ZNF718: variants seen among roughly 807,000 people sequenced by gnomAD.
ZNF718 encodes zinc finger protein 718.
ZNF718 carries 3 observed loss-of-function variants against 2.6 expected under a neutral mutation model. The ratio of observed to expected loss-of-function variants is 1.16; its 90% confidence interval spans 0.53 to 3.01. The LOEUF is 3.01. Ranked by LOEUF, ZNF718 falls within the 30% of genes most tolerant of loss-of-function variation. The pLI is 0.03. For missense variants in ZNF718, 468 were observed against 230.0 expected (o/e 2.03, Z -6.69); for synonymous variants, 135 against 77.9 (o/e 1.73, Z -3.86).
intron 3 of ZNF718, among the ~76,000 whole-genome samples, chr4:155,112 G>A (rs962249886): frequency 2.6e-5 from 4 of 152,212 alleles, no homozygotes; most frequent in African/African-American, 4.8e-5. Flanking sequence ...CAAAAGCGAG[G>A]TTTGGAAACC....
At chr4:173,969 A>G (rs1553818636) in intron 3 of ZNF718, among the ~76,000 whole-genome samples, 1 of 152,178 alleles carries the variant, frequency 6.6e-6, no homozygotes, top group Non-Finnish European at 1.5e-5. Context: ...AACAAACACA[A>G]TTTGTGGGTA....
At chr4:141,601 A>G (rs573556620) in intron 3 of ZNF718, among the ~76,000 whole-genome samples, 1 of 152,320 alleles carries the variant, frequency 6.6e-6, no homozygotes, top group South Asian at 2.1e-4. Flanking sequence ...ATGTTTGGGT[A>G]CATGTGATTG....
In ZNF718 at chr4:161,222, A is replaced by G. The variant is rs782720933; in HGVS notation, c.537A>G (p.Ser179=). ...TTAAATGTAAAGAATGTGGCAAATC[A>G]TTTCACGTGCTCTCACGCCTAACTC... ...KTFKCKECGK[S]FHVLSRLTQH... The change falls in exon 4 of 4, where the codon TCA becomes TCG. Residue 179 remains serine, a synonymous_variant. Coordinates refer to ENST00000510175, the MANE Select transcript of ZNF718 (RefSeq NM_001039127.6). 1 of 774,540 alleles carries G rather than the reference A, an allele frequency of 1.3e-6. No homozygotes were observed. 48.0% of individuals were successfully genotyped at this position (774,540 alleles called of 1,614,324 possible). A position where few individuals can be genotyped will look rare whatever the true frequency, so the allele number is the denominator to read the frequency against.
intron 3 of ZNF718, among the ~76,000 whole-genome samples, chr4:177,088 A>T (rs1476387700): frequency 6.6e-6 from 1 of 151,924 alleles, no homozygotes; most frequent in Non-Finnish European, 1.5e-5. Context: ...CTTATTTACC[A>T]CCTCACACCA....
At chr4:133,548 C>T (rs1260191947) in intron 3 of ZNF718, among the ~76,000 whole-genome samples, 1 of 152,132 alleles carries the variant, frequency 6.6e-6, no homozygotes, top group Non-Finnish European at 1.5e-5. Context: ...GTGTCTCACA[C>T]ACATACACAT....
chr4:135,225 T>G, intron 3 of ZNF718, among the ~76,000 whole-genome samples: 2 of 138,466 alleles, frequency 1.4e-5, no homozygotes, highest in Admixed American at 7.7e-5. Context: ...GGAGACAGAG[T>G]GAGACTCTTG....
At chr4:172,863 G>A (rs1392011356) in intron 3 of ZNF718, among the ~76,000 whole-genome samples, 1 of 151,974 alleles carries the variant, frequency 6.6e-6, no homozygotes, top group Non-Finnish European at 1.5e-5. Flanking sequence ...AGACCATCCT[G>A]GCCAACATGG....
At position 128,574 on chromosome 4, in the gene ZNF718, G is replaced by A. The variant is rs1380824145; in HGVS notation, c.4-2214G>A. On this transcript the variant is annotated intron_variant, in intron 1 of 3. Transcript: ENST00000510175. ...GAGCCAAGATGTGCAGGACCACCAG[G>A]ACAGCGCCATTTTCTGTTTGCACCA... 1.1e-4 allele frequency among the ~76,000 whole-genome samples: 11 copies of A among 102,268 alleles called. 3 individuals are homozygous for A. The highest frequency in any genetic ancestry group is 3.8e-4 in the African/African-American group (11 of 29,296). 67.1% of individuals were successfully genotyped at this position (102,268 alleles called of 152,430 possible).
chr4:140,246 C>A (rs1715755062), intron 3 of ZNF718, among the ~76,000 whole-genome samples: 1 of 152,108 alleles, frequency 6.6e-6, no homozygotes, highest in African/African-American at 2.4e-5. Flanking sequence ...CACCTAAGGT[C>A]AGAGACATCT....
At chr4:180,334 G>A (rs1717438916) in intron 3 of ZNF718, among the ~76,000 whole-genome samples, 1 of 152,182 alleles carries the variant, frequency 6.6e-6, no homozygotes, top group Non-Finnish European at 1.5e-5. Context: ...TAGGCTGGTT[G>A]CTTATTTGTA....
Position 176,800 on chromosome 4 carries a change from C to T in ZNF718, c.227-24281C>T, listed in dbSNP as rs1355315874. Reference sequence around the variant, plus strand: ...TTTTGTAGAAAAATAGACTCATTCTCTTATTCAAACTAATCACCCATGTCT... The same window carrying T: ...TTTTGTAGAAAAATAGACTCATTCTTTTATTCAAACTAATCACCCATGTCT... On this transcript the variant is annotated intron_variant and NMD_transcript_variant, in intron 3 of 4. Coordinates refer to the ZNF718 transcript ENST00000642529. 3.9e-5 allele frequency among the ~76,000 whole-genome samples: 6 copies of T among 152,226 alleles called. No individual in the cohort carries two copies. The East Asian group carries it at 7.7e-4, about 20-fold the overall frequency.
In ZNF718 at chr4:124,597, C is replaced by T. The variant is rs370854330; in HGVS notation, c.-74C>T. ...CTCGGTGATTCTGCCACAGCCTCAGCCTCTGTGGCTCTGTGACCTGCCGGT... is the reference window on the plus strand; with the variant it reads ...CTCGGTGATTCTGCCACAGCCTCAGTCTCTGTGGCTCTGTGACCTGCCGGT... On this transcript the variant is annotated 5_prime_UTR_variant, in exon 1 of 4. Transcript: ENST00000510175. 81 of 1,577,852 alleles carry T rather than the reference C, an allele frequency of 5.1e-5. No individual in the cohort carries two copies. The highest frequency in any genetic ancestry group is 6.5e-5 in the Non-Finnish European group (75 of 1,158,368).
chr4:176,969 A>G (rs1201385274), intron 3 of ZNF718, among the ~76,000 whole-genome samples: 9 of 152,198 alleles, frequency 5.9e-5, no homozygotes, highest in Non-Finnish European at 1.2e-4. Flanking sequence ...TTCCTATGGA[A>G]GATGCAGGCT....
intron 3 of ZNF718, among the ~76,000 whole-genome samples, chr4:146,457 A>G (rs1432372245): frequency 1.3e-5 from 2 of 152,050 alleles, no homozygotes; most frequent in Non-Finnish European, 2.9e-5. Context: ...GCTTCTTTTA[A>G]GAATCTCCCA....
At chr4:138,188 C>T (rs1715656422) in intron 3 of ZNF718, among the ~76,000 whole-genome samples, 2 of 152,140 alleles carry the variant, frequency 1.3e-5, no homozygotes. Flanking sequence ...AATTAAATTG[C>T]TTTTGACTAT....
chr4:191,826 C>T (rs187991134), intron 3 of ZNF718, among the ~76,000 whole-genome samples: 3 of 152,132 alleles, frequency 2.0e-5, no homozygotes, highest in Non-Finnish European at 4.4e-5. Flanking sequence ...CAAGATGGGG[C>T]GGGCCGCTCC....
downstream of ZNF718, among the ~76,000 whole-genome samples, chr4:167,062 T>C (rs1389467454): frequency 6.6e-6 from 1 of 152,208 alleles, no homozygotes; most frequent in African/African-American, 2.4e-5. Flanking sequence ...TTCAGCTTTC[T>C]ACATATGGCT....
chr4:141,353 C>A (rs375826306), intron 3 of ZNF718, among the ~76,000 whole-genome samples: 1 of 152,048 alleles, frequency 6.6e-6, no homozygotes, highest in Non-Finnish European at 1.5e-5. Context: ...GAATTGGAGA[C>A]GTTTGGCTAA....
chr4:150,276 T>C (rs1716257623), intron 3 of ZNF718: 1 of 152,192 alleles, frequency 6.6e-6, no homozygotes, highest in Non-Finnish European at 1.5e-5. Flanking sequence ...TTTCCAGGAA[T>C]TGTCTTTTGT....
Sources: gnomAD v4.1 joint callset for allele counts (sites outside exome capture counted in the v4.1 genomes callset) on GRCh38, gnomAD v4.1.1 for gene constraint, MANE v1.5 for transcripts, NCBI Gene and HGNC (gene_info 2026-07-23, HGNC 2026-07-21) for gene names.